PTPRN2: variants seen among roughly 807,000 people sequenced by gnomAD.
PTPRN2 encodes protein tyrosine phosphatase receptor type N2.
PTPRN2 carries 74 observed loss-of-function variants against 118.8 expected under a neutral mutation model. That is an observed-to-expected ratio of 0.62 (90% confidence interval 0.52 to 0.76). PTPRN2 has a LOEUF of 0.76. Ranked by LOEUF, PTPRN2 falls within the 30% of genes least tolerant of loss-of-function variation. PTPRN2 has a pLI of 0.00. For synonymous variants in PTPRN2, 641 were observed against 608.0 expected (o/e 1.05, Z -0.80); for missense variants, 1,481 against 1,394.4 (o/e 1.06, Z -0.99).
intron 12 of PTPRN2, among the ~76,000 whole-genome samples, chr7:157,820,546 G>GCA (rs1264424529): frequency 6.8e-6 from 1 of 146,292 alleles, no homozygotes; most frequent in Non-Finnish European, 1.5e-5. Flanking sequence ...CCACACACGT[G>GCA]CACACACACG....
At chr7:158,564,770 G>A (rs1479514078) in intron 1 of PTPRN2, among the ~76,000 whole-genome samples, 2 of 152,230 alleles carry the variant, frequency 1.3e-5, no homozygotes, top group African/African-American at 4.8e-5. Flanking sequence ...GCCAGAGGGC[G>A]GGCAGCTCAG....
intron 11 of PTPRN2, among the ~76,000 whole-genome samples, chr7:158,037,487 A>G (rs1341089336): frequency 2.6e-5 from 4 of 152,228 alleles, no homozygotes; most frequent in Non-Finnish European, 5.9e-5. Context: ...GTATTTGCGT[A>G]TCTAACCTGC....
chr7:157,949,294 A>G (rs959964514), intron 11 of PTPRN2, among the ~76,000 whole-genome samples: 3 of 152,240 alleles, frequency 2.0e-5, no homozygotes, highest in African/African-American at 7.2e-5. Flanking sequence ...GAATGTACCA[A>G]GTGCCACTGA....
intron 18 of PTPRN2, 21 bp from the exon 19 acceptor site, chr7:157,576,800 G>A: frequency 6.3e-7 from 1 of 1,576,056 alleles, no homozygotes; most frequent in Non-Finnish European, 8.6e-7. Context: ...GGAGCGGAGG[G>A]AGGGGACAGA....
intron 6 of PTPRN2, among the ~76,000 whole-genome samples, chr7:158,143,015 G>A (rs147558827): frequency 2.0e-5 from 3 of 152,028 alleles, no homozygotes; most frequent in Admixed American, 6.6e-5. Flanking sequence ...CCTCGCAACC[G>A]AGCCACCGAG....
At chr7:157,998,131 G>GAGAGGAATGCAGGGCCCGGGA (rs1804924078) in intron 11 of PTPRN2, among the ~76,000 whole-genome samples, 1 of 151,080 alleles carries the variant, frequency 6.6e-6, no homozygotes, top group Non-Finnish European at 1.5e-5. Context: ...GGGGCTGGGG[G>GAGAGGAATGCAGGGCCCGGGA]AGAGGAATGC....
At chr7:157,653,301 C>T (rs1805797981) in intron 14 of PTPRN2, among the ~76,000 whole-genome samples, 1 of 152,188 alleles carries the variant, frequency 6.6e-6, no homozygotes, top group South Asian at 2.1e-4. Flanking sequence ...GCTTATCTGA[C>T]CATCCTGCCA....
intron 17 of PTPRN2, among the ~76,000 whole-genome samples, chr7:157,588,368 A>G (rs544698494): frequency 6.6e-6 from 1 of 152,304 alleles, no homozygotes; most frequent in East Asian, 1.9e-4. Context: ...GTGGTCCGTG[A>G]TGGAATATCG....
rs542997861 is a variant in PTPRN2 at position 158,301,158 on chromosome 7, A to G, written c.277+15661T>C. On this transcript the variant is annotated intron_variant, in intron 3 of 22. Transcript: ENST00000389418. ...ATTGTGAAAGGAAACATCTTATACT[A>G]TAACTAGTTCCTTTAGGGGCACTTT... Among the ~76,000 whole-genome samples, 4 of 152,348 alleles carry G rather than the reference A, an allele frequency of 2.6e-5. No homozygotes were observed. The South Asian group carries it at 8.3e-4, about 32-fold the overall frequency.
chr7:157,549,089 G>C (rs554845472), intron 21 of PTPRN2, 70 bp from the exon 22 acceptor site: 1 of 1,447,292 alleles, frequency 6.9e-7, no homozygotes, highest in African/African-American at 1.4e-5. Context: ...TCAATCTCCT[G>C]CTAGCCACGT....
rs1454319855 is a variant in PTPRN2 at position 157,585,094 on chromosome 7, C to T, written c.2497-6954G>A. ...GTGTGGGATTCATTTAGGGATGACACGATGAGGTGACGTAGCCCACACACA... is the reference window on the plus strand; with the variant it reads ...GTGTGGGATTCATTTAGGGATGACATGATGAGGTGACGTAGCCCACACACA... On this transcript the variant is annotated intron_variant, in intron 17 of 22. Coordinates refer to ENST00000389418, the MANE Select transcript of PTPRN2 (RefSeq NM_002847.5). This position sits in a 1 kb window ranked among gnomAD's most constrained non-coding sequence, Gnocchi z 5.2. Among the ~76,000 whole-genome samples, 3 of 152,116 alleles carry T rather than the reference C, an allele frequency of 2.0e-5. No homozygotes were observed. The highest frequency in any genetic ancestry group is 4.4e-5 in the Non-Finnish European group (3 of 68,038).
intron 12 of PTPRN2, among the ~76,000 whole-genome samples, chr7:157,688,993 T>G (rs2150827263): frequency 6.6e-6 from 1 of 152,238 alleles, no homozygotes. Flanking sequence ...CGGCCCAGCC[T>G]CCTGGCCACA....
intron 2 of PTPRN2, among the ~76,000 whole-genome samples, chr7:158,468,974 A>AGAATG (rs1563329828): frequency 7.3e-5 from 11 of 150,848 alleles, no homozygotes; most frequent in African/African-American, 1.9e-4. Flanking sequence ...GTGGATCAAC[A>AGAATG]CTATGCACAC....
intron 3 of PTPRN2, among the ~76,000 whole-genome samples, chr7:158,309,362 C>T (rs779133357): frequency 6.8e-5 from 6 of 88,356 alleles, no homozygotes; most frequent in Non-Finnish European, 1.5e-4. Context: ...ACGCTACTCC[C>T]CTGCGGGATG....
At chr7:158,281,162 G>A (rs987682426) in intron 3 of PTPRN2, among the ~76,000 whole-genome samples, 18 of 152,160 alleles carry the variant, frequency 1.2e-4, no homozygotes, top group Admixed American at 6.5e-4. Flanking sequence ...AGTTAGCCGC[G>A]CTTATAATCC....
intron 6 of PTPRN2, among the ~76,000 whole-genome samples, chr7:158,152,047 G>A (rs906338107): frequency 3.9e-5 from 6 of 151,966 alleles, no homozygotes; most frequent in African/African-American, 1.5e-4. Flanking sequence ...GGTGGCAGAC[G>A]CCTGTAGTCC....
chr7:157,593,063 C>T (rs555809361), intron 17 of PTPRN2, among the ~76,000 whole-genome samples: 85 of 141,080 alleles, frequency 6.0e-4, no homozygotes, highest in African/African-American at 1.8e-3. Flanking sequence ...TGGGCATCAT[C>T]GTGGTCGTTG....
At chr7:157,649,577 C>T (rs1461937876) in intron 14 of PTPRN2, among the ~76,000 whole-genome samples, 14 of 99,766 alleles carry the variant, frequency 1.4e-4, no homozygotes, top group African/African-American at 1.7e-4. Context: ...GCACTGAACT[C>T]GGTGGGTCGG....
At chr7:157,708,522 G>A (rs1264590434) in intron 12 of PTPRN2, among the ~76,000 whole-genome samples, 2 of 151,980 alleles carry the variant, frequency 1.3e-5, no homozygotes, top group Admixed American at 6.5e-5. Flanking sequence ...AGGTACTCCA[G>A]AGTTGGACGG....
Sources: gnomAD v4.1 joint callset for allele counts (sites outside exome capture counted in the v4.1 genomes callset) on GRCh38, gnomAD v4.1.1 for gene constraint, Gnocchi (gnomAD v3.1) non-coding constraint, MANE v1.5 for transcripts, NCBI Gene and HGNC (gene_info 2026-07-23, HGNC 2026-07-21) for gene names.